The following GFRA1 variants were observed in gnomAD, a reference collection of about 807,000 sequenced individuals.
GFRA1 encodes GDNF family receptor alpha 1, also known as GDNF family receptor alpha-1.
Under a neutral mutation model 51.6 loss-of-function variants are expected in GFRA1, and 16 were observed. That is an observed-to-expected ratio of 0.31 (90% CI 0.21 to 0.47). The LOEUF is 0.47. Among genes scored for constraint, GFRA1 ranks in the 20% least tolerant of loss-of-function variants. The probability of loss-of-function intolerance (pLI) is 1.00; values close to 1 mark genes in which losing one functional copy is unlikely to be tolerated. For synonymous variants in GFRA1, 270 were observed against 241.3 expected, an observed-to-expected ratio of 1.12 and a Z score of -1.10; for missense variants, 530 against 594.3, an observed-to-expected ratio of 0.89 and a Z score of 1.13.
At chr10:116,138,692 G>A (rs1183047059) in intron 5 of GFRA1, among the ~76,000 whole-genome samples, 3 of 121,660 alleles carry the variant, frequency 2.5e-5, no homozygotes, top group Non-Finnish European at 4.8e-5. Flanking sequence ...ACCCACCATG[G>A]TCTCTCATGA....
intron 5 of GFRA1, among the ~76,000 whole-genome samples, chr10:116,187,820 T>C (rs959367733): frequency 6.6e-6 from 1 of 152,120 alleles, no homozygotes; most frequent in Non-Finnish European, 1.5e-5. Context: ...GTGAGGATTC[T>C]AGTAAAAAAG....
In GFRA1 at chr10:116,253,254, G is replaced by A. The variant is rs73374003; in HGVS notation, c.418+16249C>T. Reference sequence around the variant, plus strand: ...GGACACCTAAGTGGAAGCACAGAGCGCCAGGATACCTGGAGGGCTCTGCAG... The same window carrying A: ...GGACACCTAAGTGGAAGCACAGAGCACCAGGATACCTGGAGGGCTCTGCAG... On this transcript the variant is annotated intron_variant, in intron 4 of 10. Coordinates refer to ENST00000355422, the MANE Select transcript of GFRA1 (RefSeq NM_005264.8). 1.4e-3 allele frequency among the ~76,000 whole-genome samples: 220 copies of A among 152,354 alleles called. 1 individual carries two copies. Among genetic ancestry groups the A allele is most frequent in the African/African-American group, 5.1e-3 (214 of 41,580 alleles).
chr10:116,148,640 C>T (rs1357622174), intron 5 of GFRA1, among the ~76,000 whole-genome samples: 1 of 152,160 alleles, frequency 6.6e-6, no homozygotes, highest in Non-Finnish European at 1.5e-5. Flanking sequence ...GACTCCCACG[C>T]TCAAAAGATT....
intron 7 of GFRA1, among the ~76,000 whole-genome samples, 172 bp downstream of exon 7, chr10:116,096,479 CTTCT>C (rs1956581064): frequency 9.9e-6 from 1 of 100,574 alleles, no homozygotes; most frequent in African/African-American, 3.0e-5. Flanking sequence ...CCATTTTTTT[CTTCT>C]TTTTTTTTTC....
At chr10:116,092,881 G>C (rs1217784502) in intron 8 of GFRA1, among the ~76,000 whole-genome samples, 2 of 152,214 alleles carry the variant, frequency 1.3e-5, no homozygotes, top group Admixed American at 6.5e-5. Context: ...CAATTTTCAA[G>C]TATCTCAGCT....
chr10:116,150,281 G>T (rs1366933671), intron 5 of GFRA1, among the ~76,000 whole-genome samples: 1 of 151,976 alleles, frequency 6.6e-6, no homozygotes, highest in African/African-American at 2.4e-5. Flanking sequence ...TTTGATAACC[G>T]AGCTTCCTCT....
intron 4 of GFRA1, among the ~76,000 whole-genome samples, chr10:116,267,902 G>A (rs1421894357): frequency 2.0e-5 from 3 of 151,114 alleles, no homozygotes; most frequent in South Asian, 2.1e-4. Flanking sequence ...CACTAAACTC[G>A]TATCCTTATA....
chr10:116,134,804 A>G (rs1958252454), intron 5 of GFRA1, among the ~76,000 whole-genome samples: 1 of 152,184 alleles, frequency 6.6e-6, no homozygotes, highest in African/African-American at 2.4e-5. Flanking sequence ...GGCTAGCCTT[A>G]TCCATTAGCG....
At chr10:116,206,627 T>C (rs966261097) in intron 5 of GFRA1, among the ~76,000 whole-genome samples, 3 of 118,416 alleles carry the variant, frequency 2.5e-5, no homozygotes, top group African/African-American at 1.6e-4. Flanking sequence ...ATTCTCTTTT[T>C]TTTTTTTTTT....
intron 5 of GFRA1, among the ~76,000 whole-genome samples, chr10:116,199,463 T>C (rs1208771481): frequency 2.0e-5 from 3 of 152,188 alleles, no homozygotes; most frequent in East Asian, 1.9e-4. Context: ...TTTTCAAATA[T>C]GTAGCAAAGT....
At chr10:116,229,124 T>G (rs1278219370) in intron 4 of GFRA1, among the ~76,000 whole-genome samples, 1 of 152,014 alleles carries the variant, frequency 6.6e-6, no homozygotes, top group Non-Finnish European at 1.5e-5. Context: ...AGACCCATGT[T>G]GGACCTCTGG....
chr10:116,087,472 T>C (rs1001346362), intron 9 of GFRA1, among the ~76,000 whole-genome samples: 2 of 152,238 alleles, frequency 1.3e-5, no homozygotes, highest in Admixed American at 6.5e-5. Flanking sequence ...CTTTTGTTTT[T>C]GAATGCCCAT....
intron 5 of GFRA1, among the ~76,000 whole-genome samples, chr10:116,205,009 T>C (rs1475270899): frequency 1.3e-5 from 2 of 152,148 alleles, no homozygotes; most frequent in African/African-American, 4.8e-5. Flanking sequence ...CTGTCATAAA[T>C]CACATTGATA....
At chr10:116,207,856 G>A (rs1040957712) in intron 5 of GFRA1, among the ~76,000 whole-genome samples, 42 of 152,180 alleles carry the variant, frequency 2.8e-4, no homozygotes, top group South Asian at 8.3e-4. Flanking sequence ...GGGGCTACTC[G>A]TTCTCACTGC....
chr10:116,147,876 G>A (rs1381442696), intron 5 of GFRA1, among the ~76,000 whole-genome samples: 2 of 151,856 alleles, frequency 1.3e-5, no homozygotes, highest in Non-Finnish European at 2.9e-5. Context: ...GGGGACCCCA[G>A]TGGAGGTGTC....
chr10:116,158,486 G>A (rs1959388817), intron 5 of GFRA1, among the ~76,000 whole-genome samples: 1 of 152,226 alleles, frequency 6.6e-6, no homozygotes, highest in Non-Finnish European at 1.5e-5. Context: ...CAGGCCCAAA[G>A]AGATTGCTCT....
intron 5 of GFRA1, among the ~76,000 whole-genome samples, chr10:116,128,603 G>A (rs930709587): frequency 2.0e-5 from 3 of 151,872 alleles, no homozygotes; most frequent in Non-Finnish European, 4.4e-5. Flanking sequence ...GCGGGCGCCT[G>A]TAGTCCCAGC....
intron 6 of GFRA1, among the ~76,000 whole-genome samples, chr10:116,115,624 G>A (rs1565586153): frequency 6.6e-6 from 1 of 152,160 alleles, no homozygotes; most frequent in Non-Finnish European, 1.5e-5. Context: ...AGATGAGACT[G>A]CTCTGGGTCA....
At chr10:116,126,763 C>G (rs576572912) in intron 5 of GFRA1, among the ~76,000 whole-genome samples, 92 of 152,270 alleles carry the variant, frequency 6.0e-4, no homozygotes, top group African/African-American at 2.0e-3. Context: ...TATGTGCCCC[C>G]AGTTGATAGG....
Sources: allele counts gnomAD v4.1 joint callset (sites outside exome capture counted in the v4.1 genomes callset), GRCh38; gene constraint gnomAD v4.1.1; transcripts MANE v1.5; gene names NCBI Gene and HGNC (gene_info 2026-07-23, HGNC 2026-07-21).